The following COX15 variants were observed in gnomAD, a reference collection of about 807,000 sequenced individuals.
The protein encoded by COX15 is heme A synthase COX15.
Under a neutral mutation model 51.9 loss-of-function variants are expected in COX15, and 51 were observed. The ratio of observed to expected loss-of-function variants is 0.98; its 90% CI spans 0.78 to 1.24. The LOEUF (loss-of-function observed/expected upper bound fraction) is 1.24, where lower values mean the gene tolerates loss of function less well. COX15 is among the 50% of genes most tolerant of loss of function. The pLI is 0.00. For missense variants in COX15, 420 were observed against 501.1 expected, an observed-to-expected ratio of 0.84 and a Z score of 1.55; for synonymous variants, 188 against 190.5, an observed-to-expected ratio of 0.99 and a Z score of 0.11.
At chr10:99,694,538 G>T in the COX15 span, among the ~76,000 whole-genome samples, 261 of 134,360 alleles carry the variant, frequency 1.9e-3, 2 homozygotes, top group Middle Eastern at 7.6e-3. Flanking sequence ...AAGTTTTTTT[G>T]TTTTTTTTTT....
At chr10:99,728,725 C>T (rs114430838) in intron 2 of COX15, among the ~76,000 whole-genome samples, 1,531 of 152,180 alleles carry the variant, frequency 0.01, 29 homozygotes, top group African/African-American at 0.034. Flanking sequence ...AGGAAATAGA[C>T]GGGACAAAGG....
At chr10:99,699,678 C>G in the COX15 span, among the ~76,000 whole-genome samples, 1 of 152,282 alleles carries the variant, frequency 6.6e-6, no homozygotes, top group East Asian at 1.9e-4. Flanking sequence ...GATTCTCCTG[C>G]CTCAGCCTCC....
Position 99,712,966 on chromosome 10 carries a change from G to C in COX15, c.*1621C>G. On this transcript the variant is annotated 3_prime_UTR_variant, in exon 9 of 9. Coordinates refer to ENST00000016171, the MANE Select transcript of COX15 (RefSeq NM_078470.6). Reference sequence around the variant, plus strand: ...TCTCTGCTCCAGTTAAATATCCCTAGTTCCTTCACCTATTCCCTGTGTGAC... The same window carrying C: ...TCTCTGCTCCAGTTAAATATCCCTACTTCCTTCACCTATTCCCTGTGTGAC... The C allele has an allele frequency of 8.1e-6, 8 of 982,930 alleles. No homozygotes were observed. The highest frequency in any genetic ancestry group is 9.8e-6 in the Non-Finnish European group (8 of 816,080). 60.9% of individuals were successfully genotyped at this position (982,930 alleles called of 1,614,324 possible).
At chr10:99,724,189 T>C in intron 4 of COX15, 66 bp from the exon 5 acceptor site, 1 of 1,594,850 alleles carries the variant, frequency 6.3e-7, no homozygotes, top group Non-Finnish European at 8.6e-7. Context: ...TTTCTTTTTT[T>C]TGTTGTTTTT....
At chr10:99,700,910 G>A in the COX15 span, 44 of 1,327,654 alleles carry the variant, frequency 3.3e-5, no homozygotes, top group Admixed American at 1.2e-4. Context: ...AGCTGTGACT[G>A]TGGGGAAGGT....
chr10:99,694,606 G>A, the COX15 span, among the ~76,000 whole-genome samples: 485 of 146,336 alleles, frequency 3.3e-3, 3 homozygotes, highest in African/African-American at 0.012. Context: ...GCACGATCTC[G>A]GCTCACTGCA....
Position 99,712,265 on chromosome 10 carries a change from G to T in COX15, c.*2322C>A, listed in dbSNP as rs949398841. 5.1e-6 allele frequency: 5 copies of T among 985,294 alleles called. No individual in the cohort carries two copies. Among genetic ancestry groups the T allele is most frequent in the African/African-American group, 3.5e-5 (2 of 57,236 alleles). The allele number at this position is 985,294 out of a possible 1,614,324, so 61.0% of individuals were successfully genotyped here. On this transcript the variant is annotated 3_prime_UTR_variant, in exon 9 of 9. Coordinates refer to ENST00000016171, the MANE Select transcript of COX15 (RefSeq NM_078470.6). ...GGTCACAGAAACTTACAGAGTACTG[G>T]AGTTGAAAGAGAACTGAGATCACCT...
chr10:99,711,328 G>T lies in COX15; in HGVS notation c.*3259C>A. The T allele has an allele frequency of 1.0e-6, 1 of 985,418 alleles. No homozygotes were observed. The highest frequency in any genetic ancestry group is 1.2e-6 in the Non-Finnish European group (1 of 829,924). 61.0% of individuals were successfully genotyped at this position (985,418 alleles called of 1,614,324 possible). Reference sequence around the variant, plus strand: ...GGGTTGGGTCATACTGCCCTCTGCTGACTCAGTTACTAACTAAGGACAACC... The same window carrying T: ...GGGTTGGGTCATACTGCCCTCTGCTTACTCAGTTACTAACTAAGGACAACC... On this transcript the variant is annotated 3_prime_UTR_variant, in exon 9 of 9. Transcript: ENST00000016171.
At chr10:99,706,901 A>C (rs2036264814), downstream of COX15, among the ~76,000 whole-genome samples, 1 of 152,222 alleles carries the variant, frequency 6.6e-6, no homozygotes, top group African/African-American at 2.4e-5. Flanking sequence ...TCACTGGCTA[A>C]CAGTGATCAT....
At chr10:99,704,948 G>A in the COX15 span, 12 of 485,466 alleles carry the variant, frequency 2.5e-5, no homozygotes, top group Admixed American at 3.3e-5. Context: ...AGCAGGCTTC[G>A]ACTCCTTCTG....
At chr10:99,703,896 A>G in the COX15 span, among the ~76,000 whole-genome samples, 3 of 151,354 alleles carry the variant, frequency 2.0e-5, no homozygotes, top group Non-Finnish European at 4.4e-5. Flanking sequence ...TAATTTTTTG[A>G]TTTTTCTTTT....
rs1483165110 is a variant in COX15, at chr10:99,711,311, T to C, written c.*3276A>G. On this transcript the variant is annotated 3_prime_UTR_variant, in exon 9 of 9. Coordinates refer to ENST00000016171, the MANE Select transcript of COX15 (RefSeq NM_078470.6). ...TTAATATATGGTTCTTTGGGTTGGG[T>C]CATACTGCCCTCTGCTGACTCAGTT... is the stretch of plus-strand genomic sequence containing the variant. 1.0e-6 allele frequency: 1 copy of C among 985,320 alleles called. No individual in the cohort carries two copies. 61.0% of individuals were successfully genotyped at this position (985,320 alleles called of 1,614,324 possible). A position where few individuals can be genotyped will look rare whatever the true frequency, so the allele number is the denominator to read the frequency against.
At position 99,711,498 on chromosome 10, in the gene COX15, G is replaced by A; in HGVS notation, c.*3089C>T. On this transcript the variant is annotated 3_prime_UTR_variant, in exon 9 of 9. Coordinates refer to ENST00000016171, the MANE Select transcript of COX15 (RefSeq NM_078470.6). ...ATAGCAGATCAAATGATAAGGTGGG[G>A]TGGAAATTAGAAGGGAATGGGAATA... The A allele has an allele frequency of 3.0e-6, 3 of 985,440 alleles. No individual in the cohort carries two copies. Among genetic ancestry groups the A allele is most frequent in the Non-Finnish European group, 3.6e-6 (3 of 829,928 alleles). 61.0% of individuals were successfully genotyped at this position (985,440 alleles called of 1,614,324 possible). A position where few individuals can be genotyped will look rare whatever the true frequency, so the allele number is the denominator to read the frequency against.
At position 99,727,174 on chromosome 10, in the gene COX15, A is replaced by C. The variant is rs769279753; in HGVS notation, c.396-20T>G. ...TTCAAGCTGGGTGAAATGGAAAGTC[A>C]AAAAAGGAGGAGGAGGAAACATCCT... On this transcript the variant is annotated intron_variant, in intron 3 of 8. Coordinates refer to ENST00000016171, the MANE Select transcript of COX15 (RefSeq NM_078470.6). 6.2e-7 allele frequency: 1 copy of C among 1,611,900 alleles called. No individual in the cohort carries two copies. Among genetic ancestry groups the C allele is most frequent in the Admixed American group, 1.7e-5 (1 of 59,992 alleles).
At chr10:99,729,785 T>C in intron 1 of COX15, 51 bp from the exon 2 acceptor site, 2 of 1,582,502 alleles carry the variant, frequency 1.3e-6, no homozygotes, top group South Asian at 1.1e-5. Context: ...GAATGGCTGC[T>C]ACCCACACTC....
chr10:99,709,871 G>A, downstream of COX15: 2 of 985,346 alleles, frequency 2.0e-6, no homozygotes, highest in Non-Finnish European at 2.4e-6. Context: ...CACACCAGTT[G>A]ACCATTTTGT....
intron 7 of COX15, 91 bp downstream of exon 7, chr10:99,718,255 C>G: frequency 1.5e-6 from 2 of 1,375,700 alleles, no homozygotes; most frequent in South Asian, 2.3e-5. Flanking sequence ...CTGCTCTACC[C>G]TCTCAGTGTT....
downstream of COX15, chr10:99,709,341 T>C: frequency 1.0e-6 from 1 of 985,418 alleles, no homozygotes; most frequent in Non-Finnish European, 1.2e-6. Flanking sequence ...GTAATGTTGA[T>C]TGGGAATAAG....
Position 99,712,020 on chromosome 10 carries a change from C to T in COX15, c.*2567G>A, listed in dbSNP as rs949378075. 1.1e-5 allele frequency: 3 copies of T among 275,154 alleles called. No homozygotes were observed. Among genetic ancestry groups the T allele is most frequent in the Middle Eastern group, 1.7e-3 (1 of 578 alleles). 17.0% of individuals were successfully genotyped at this position (275,154 alleles called of 1,614,324 possible). The stretch of plus-strand genomic sequence containing the variant: ...AGAGCAAGCGAGAGAGGAGGAAGTT[C>T]CAGGCTCTTTTAAACAACCAGCTCT... On this transcript the variant is annotated 3_prime_UTR_variant, in exon 9 of 9. Transcript: ENST00000016171.
Sources: allele counts gnomAD v4.1 joint callset (sites outside exome capture counted in the v4.1 genomes callset), GRCh38; gene constraint gnomAD v4.1.1; transcripts MANE v1.5; gene names NCBI Gene and HGNC (gene_info 2026-07-23, HGNC 2026-07-21).